The following TIPIN variants were observed in gnomAD, a reference collection of about 807,000 sequenced individuals.
TIPIN encodes the protein TIMELESS-interacting protein.
A neutral mutation model predicts 35.6 loss-of-function variants in TIPIN; 29 were observed. The ratio of observed to expected loss-of-function variants is 0.82; its 90% CI spans 0.61 to 1.11. TIPIN has a LOEUF of 1.11. Ranked by LOEUF, TIPIN falls within the 50% of genes most tolerant of loss-of-function variation. The pLI is 0.00. For synonymous variants in TIPIN, 102 were observed against 121.5 expected (o/e 0.84, Z 1.06); for missense variants, 296 against 345.4 (o/e 0.86, Z 1.13).
At chr15:66,373,494 A>G (rs1304378347) in intron 1 of TIPIN, among the ~76,000 whole-genome samples, 2 of 147,870 alleles carry the variant, frequency 1.4e-5, no homozygotes, top group Non-Finnish European at 3.0e-5. Flanking sequence ...CTCCGTCTCA[A>G]AAAAAAAAAA....
At chr15:66,370,635 T>C (rs1410434512) in intron 1 of TIPIN, among the ~76,000 whole-genome samples, 4 of 152,142 alleles carry the variant, frequency 2.6e-5, no homozygotes, top group Admixed American at 1.3e-4. Context: ...GCAATTGATA[T>C]AGAGCCAGAG....
upstream of TIPIN, among the ~76,000 whole-genome samples, chr15:66,358,101 G>GA (rs1300485597): frequency 2.0e-5 from 3 of 151,948 alleles, no homozygotes; most frequent in South Asian, 2.1e-4. Context: ...CTATTAAAAA[G>GA]AAAAAACATT....
intron 1 of TIPIN, among the ~76,000 whole-genome samples, chr15:66,372,176 A>G (rs369023321): frequency 4.6e-5 from 7 of 152,326 alleles, no homozygotes; most frequent in Admixed American, 2.0e-4. Flanking sequence ...ACCAGCACCC[A>G]GATCAAGAAA....
chr15:66,371,236 AG>A, intron 1 of TIPIN: 1 of 984,848 alleles, frequency 1.0e-6, no homozygotes, highest in Non-Finnish European at 1.2e-6. Flanking sequence ...AAGTGTATCA[AG>A]CTTTCTACTA....
intron 1 of TIPIN, among the ~76,000 whole-genome samples, chr15:66,371,643 A>G (rs2093278122): frequency 6.6e-6 from 1 of 151,570 alleles, no homozygotes; most frequent in Non-Finnish European, 1.5e-5. Flanking sequence ...CCTCCTGAGT[A>G]GCTGGGACTA....
chr15:66,379,900 T>G (rs1178082080), intron 1 of TIPIN: 2 of 1,557,110 alleles, frequency 1.3e-6, no homozygotes, highest in African/African-American at 2.7e-5. Flanking sequence ...GTCTGATTAA[T>G]GAGAATGGTC....
In TIPIN at chr15:66,356,641, C is replaced by A; in HGVS notation, c.-11G>T. The A allele has an allele frequency of 1.0e-6, 1 of 986,156 alleles. No homozygotes were observed. Among genetic ancestry groups the A allele is most frequent in the Non-Finnish European group, 1.2e-6 (1 of 830,496 alleles). The allele number at this position is 986,156 out of a possible 1,614,324, so 61.1% of individuals were successfully genotyped here. A position where few individuals can be genotyped will look rare whatever the true frequency, so the allele number is the denominator to read the frequency against. ...TTGGCCCGCCAGCCAGCTCTCACCT[C>A]ACGCAGAAAACACGGGACACAGCGC... On this transcript the variant is annotated splice_region_variant and 5_prime_UTR_variant, in exon 1 of 8. Coordinates refer to ENST00000261881, the MANE Select transcript of TIPIN (RefSeq NM_017858.3).
chr15:66,352,829 G>C lies in TIPIN; in HGVS notation c.119C>G (p.Thr40Ser), dbSNP rs1465563620. The change falls in exon 2 of 8, where the codon ACT (threonine) becomes AGT (serine). Residue 40 changes from threonine to serine, a missense_variant. By Grantham distance (58) the Thr-to-Ser change is moderately conservative. Transcript: ENST00000261881. ...ASPERQDGEG[T>S]EPDEESGNGA... ...TCTATACATACCTTCATCAGGCTCA[G>C]TTCCTTCACCATCTTGTCTCTCTGG... 1.2e-6 allele frequency: 2 copies of C among 1,612,492 alleles called. No homozygotes were observed. The highest frequency in any genetic ancestry group is 1.7e-6 in the Non-Finnish European group (2 of 1,179,830).
At chr15:66,352,304 GA>G in intron 2 of TIPIN, 97 bp from the exon 3 acceptor site, 2 of 970,824 alleles carry the variant, frequency 2.1e-6, no homozygotes, top group Admixed American at 5.6e-5. Context: ...CTAAACATGG[GA>G]CACCTTTTTT....
At chr15:66,374,419 TA>T (rs1267620817) in intron 1 of TIPIN, among the ~76,000 whole-genome samples, 1 of 151,968 alleles carries the variant, frequency 6.6e-6, no homozygotes. Flanking sequence ...AAAGTGTATT[TA>T]TTTATTTTGA....
chr15:66,337,575 G>A (rs1595779693), intron 7 of TIPIN, among the ~76,000 whole-genome samples: 2 of 151,918 alleles, frequency 1.3e-5, no homozygotes, highest in African/African-American at 4.8e-5. Context: ...ACCCGCCTCA[G>A]GCTCCCAAAG....
In TIPIN at chr15:66,383,672, CTA is replaced by C. The variant is rs1171016766; in HGVS notation, c.-9+2933_-9+2934del. The C allele has an allele frequency of 6.9e-5, 50 of 723,496 alleles. No individual in the cohort carries two copies. The South Asian group carries it at 2.7e-3, about 40-fold the overall frequency. The allele number at this position is 723,496 out of a possible 1,614,324, so 44.8% of individuals were successfully genotyped here. On this transcript the variant is annotated intron_variant, in intron 1 of 7. Coordinates refer to the TIPIN transcript ENST00000562124. Reference sequence around the variant, plus strand: ...TACACACACATGCATACATTTACATCTATGCCTCTATATTAAAAAGTATGGGG... The same window carrying C: ...TACACACACATGCATACATTTACATCTGCCTCTATATTAAAAAGTATGGGG...
chr15:66,378,656 A>T (rs1469786121), intron 1 of TIPIN, among the ~76,000 whole-genome samples: 1 of 148,192 alleles, frequency 6.7e-6, no homozygotes, highest in Admixed American at 6.7e-5. Flanking sequence ...ATTCCAAAAT[A>T]AAAAAAAAAA....
intron 1 of TIPIN, among the ~76,000 whole-genome samples, chr15:66,384,822 G>T (rs1433571071): frequency 6.6e-6 from 1 of 151,742 alleles, no homozygotes; most frequent in Non-Finnish European, 1.5e-5. Context: ...TGAGGCAGGA[G>T]AATCACTTGA....
At chr15:66,379,929 A>G (rs2093311873) in intron 1 of TIPIN, 5 of 1,250,088 alleles carry the variant, frequency 4.0e-6, no homozygotes, top group Non-Finnish European at 5.6e-6. Context: ...CGCAGTACAC[A>G]CGGCAAAGGA....
chr15:66,356,469 G>A (rs1468064957), intron 1 of TIPIN, among the ~76,000 whole-genome samples, 170 bp downstream of exon 1: 2 of 151,976 alleles, frequency 1.3e-5, no homozygotes, highest in Non-Finnish European at 2.9e-5. Context: ...CCACCTCCCC[G>A]CCTCTCCAGG....
intron 1 of TIPIN, among the ~76,000 whole-genome samples, chr15:66,368,703 G>A (rs1376127195): frequency 6.6e-6 from 1 of 152,002 alleles, no homozygotes; most frequent in Non-Finnish European, 1.5e-5. Context: ...TGAAATTGAA[G>A]GTGAGTATCA....
intron 1 of TIPIN, among the ~76,000 whole-genome samples, chr15:66,371,634 C>T (rs924254489): frequency 4.6e-5 from 7 of 151,932 alleles, no homozygotes; most frequent in Admixed American, 4.6e-4. Flanking sequence ...CTGCCTCAGC[C>T]TCCTGAGTAG....
intron 1 of TIPIN, among the ~76,000 whole-genome samples, chr15:66,380,091 T>C (rs2093313273): frequency 7.1e-6 from 1 of 141,240 alleles, no homozygotes. Flanking sequence ...AACCTCCGCC[T>C]CTCAGGCTCA....
Sources: allele counts gnomAD v4.1 joint callset (sites outside exome capture counted in the v4.1 genomes callset), GRCh38; gene constraint gnomAD v4.1.1; transcripts MANE v1.5; gene names NCBI Gene and HGNC (gene_info 2026-07-23, HGNC 2026-07-21).